EPC1: variants seen among roughly 807,000 people sequenced by gnomAD.
EPC1 encodes enhancer of polycomb homolog 1.
Under a neutral mutation model 98.4 loss-of-function variants are expected in EPC1, and 12 were observed. That is an observed-to-expected ratio of 0.12 (90% CI 0.08 to 0.20). EPC1 has a LOEUF of 0.20. Among genes scored for constraint, EPC1 ranks in the 10% least tolerant of loss-of-function variants. The pLI, the probability that EPC1 is intolerant of heterozygous loss-of-function variation, is 1.00. For synonymous variants in EPC1, 357 were observed against 363.9 expected (o/e 0.98, Z 0.21); for missense variants, 729 against 990.5 (o/e 0.74, Z 3.54).
At chr10:32,293,506 C>T (rs1834967728) in intron 3 of EPC1, 86 bp downstream of exon 3, 2 of 1,289,196 alleles carry the variant, frequency 1.6e-6, no homozygotes, top group Admixed American at 2.4e-5. Context: ...TGATTACCCC[C>T]AACCTGCAAT....
At chr10:32,326,463 GA>G (rs1344346433) in intron 1 of EPC1, among the ~76,000 whole-genome samples, 1 of 151,800 alleles carries the variant, frequency 6.6e-6, no homozygotes, top group Non-Finnish European at 1.5e-5. Flanking sequence ...ACAAGAATAA[GA>G]AAAAAAACTT....
chr10:32,293,860 G>T, intron 2 of EPC1, 123 bp from the exon 3 acceptor site: 2 of 940,020 alleles, frequency 2.1e-6, no homozygotes, highest in Non-Finnish European at 3.0e-6. Context: ...CTTGGATTTT[G>T]TTTTCAGAGT....
chr10:32,368,896 A>G (rs759009201), intron 1 of EPC1, among the ~76,000 whole-genome samples: 16 of 152,218 alleles, frequency 1.1e-4, no homozygotes, highest in Non-Finnish European at 2.1e-4. Context: ...CTCAACAGCC[A>G]TGTGAGATTA....
intron 1 of EPC1, among the ~76,000 whole-genome samples, chr10:32,311,175 T>G (rs529705215): frequency 6.6e-6 from 1 of 151,370 alleles, no homozygotes; most frequent in East Asian, 2.0e-4. Context: ...TAGCCGGGTG[T>G]GGTGGTGGGC....
intron 1 of EPC1, among the ~76,000 whole-genome samples, chr10:32,333,284 G>A (rs1564551912): frequency 6.6e-6 from 1 of 152,178 alleles, no homozygotes; most frequent in South Asian, 2.1e-4. Context: ...AGGTTGCAGT[G>A]AGCCGAGATC....
chr10:32,311,215 A>C (rs898832669), intron 1 of EPC1, among the ~76,000 whole-genome samples: 1 of 152,062 alleles, frequency 6.6e-6, no homozygotes, highest in Non-Finnish European at 1.5e-5. Context: ...AGGGAGGCTG[A>C]GGCAGGAGAA....
At chr10:32,352,647 T>C (rs1282880201) in intron 1 of EPC1, among the ~76,000 whole-genome samples, 1 of 152,312 alleles carries the variant, frequency 6.6e-6, no homozygotes, top group East Asian at 1.9e-4. Flanking sequence ...TCCCCCAGTC[T>C]TTCTCATCTC....
intron 1 of EPC1, among the ~76,000 whole-genome samples, chr10:32,368,079 T>C (rs145633141): frequency 7.2e-5 from 11 of 152,268 alleles, no homozygotes; most frequent in South Asian, 2.1e-4. Context: ...TACTCCGCCA[T>C]CAAAACTTAC....
In EPC1 at chr10:32,347,074, T is replaced by G; in HGVS notation, c.-159A>C. ...CGGGCACTAACACCAGCCGGGAGGG[T>G]GGGAGGCTGTGCCGCTCCGCTCCTC... On this transcript the variant is annotated 5_prime_UTR_variant, in exon 1 of 14. Coordinates refer to ENST00000319778, the MANE Select transcript of EPC1 (RefSeq NM_001272004.3). 1 of 1,451,426 alleles carries G rather than the reference T, an allele frequency of 6.9e-7. No individual in the cohort carries two copies. The highest frequency in any genetic ancestry group is 2.7e-5 in the Admixed American group (1 of 37,076). The allele number at this position is 1,451,426 out of a possible 1,614,324, so 89.9% of individuals were successfully genotyped here.
chr10:32,364,595 G>A (rs762768222), intron 1 of EPC1, among the ~76,000 whole-genome samples: 2 of 152,074 alleles, frequency 1.3e-5, no homozygotes, highest in African/African-American at 2.4e-5. Flanking sequence ...AGTGAGACTC[G>A]ACCCTTCCCA....
chr10:32,275,204 G>A (rs1047933634), intron 10 of EPC1, among the ~76,000 whole-genome samples: 5 of 152,212 alleles, frequency 3.3e-5, no homozygotes, highest in Admixed American at 3.3e-4. Flanking sequence ...TTTATCAATA[G>A]CTAATTAGAA....
intron 1 of EPC1, among the ~76,000 whole-genome samples, chr10:32,325,595 CAAGTA>C (rs1837225566): frequency 6.6e-6 from 1 of 152,164 alleles, no homozygotes; most frequent in African/African-American, 2.4e-5. Context: ...TAAAATACAT[CAAGTA>C]AAGTTTCCAG....
At chr10:32,344,015 C>G (rs1222757043) in intron 1 of EPC1, among the ~76,000 whole-genome samples, 1 of 152,152 alleles carries the variant, frequency 6.6e-6, no homozygotes, top group Non-Finnish European at 1.5e-5. Context: ...ACAGTCAGTT[C>G]AGGTTCTAGG....
upstream of EPC1, among the ~76,000 whole-genome samples, chr10:32,349,324 T>C (rs1178870869): frequency 1.3e-5 from 2 of 152,176 alleles, no homozygotes; most frequent in African/African-American, 2.4e-5. Context: ...CCTACATTAG[T>C]AATAATGGGT....
intron 2 of EPC1, among the ~76,000 whole-genome samples, chr10:32,297,312 G>A (rs997588872): frequency 3.6e-5 from 5 of 137,636 alleles, no homozygotes; most frequent in African/African-American, 1.1e-4. Context: ...ATGGAGTTTC[G>A]CTCTTGTTGC....
At chr10:32,332,538 CTCGAG>C (rs944463314) in intron 1 of EPC1, among the ~76,000 whole-genome samples, 10 of 152,178 alleles carry the variant, frequency 6.6e-5, no homozygotes, top group East Asian at 1.9e-4. Flanking sequence ...TACACACTCT[CTCGAG>C]TCATTTGTTC....
At chr10:32,342,805 T>C (rs1838451919) in intron 1 of EPC1, among the ~76,000 whole-genome samples, 1 of 152,242 alleles carries the variant, frequency 6.6e-6, no homozygotes, top group African/African-American at 2.4e-5. Flanking sequence ...AGCTCCATTT[T>C]GCTAAACATC....
At chr10:32,341,723 A>G (rs1311634468) in intron 1 of EPC1, among the ~76,000 whole-genome samples, 1 of 152,220 alleles carries the variant, frequency 6.6e-6, no homozygotes, top group Non-Finnish European at 1.5e-5. Flanking sequence ...GTATTCAAGA[A>G]TCCTTAGTCT....
intron 1 of EPC1, among the ~76,000 whole-genome samples, chr10:32,352,884 A>G (rs1345777507): frequency 6.6e-6 from 1 of 152,212 alleles, no homozygotes; most frequent in Non-Finnish European, 1.5e-5. Flanking sequence ...GGCCAGACAC[A>G]GTGGCTCACA....
Sources: allele counts gnomAD v4.1 joint callset (sites outside exome capture counted in the v4.1 genomes callset), GRCh38; gene constraint gnomAD v4.1.1; transcripts MANE v1.5; gene names NCBI Gene and HGNC (gene_info 2026-07-23, HGNC 2026-07-21).